The following LRRC37A2 variants were observed in gnomAD, a reference collection of about 807,000 sequenced individuals.
The protein encoded by LRRC37A2 is leucine rich repeat containing 37 member A2, also known as leucine-rich repeat-containing protein 37A2.
In LRRC37A2, 9 loss-of-function variants were observed where a neutral mutation model predicts 68.8. The observed-to-expected ratio is 0.13, with a 90% CI of 0.08 to 0.23. The LOEUF is 0.23. Among genes scored for constraint, LRRC37A2 ranks in the 10% least tolerant of loss-of-function variants. The probability of loss-of-function intolerance (pLI) is 1.00; values close to 1 mark genes in which losing one functional copy is unlikely to be tolerated. For synonymous variants in LRRC37A2, 63 were observed against 367.6 expected, an observed-to-expected ratio of 0.17 and a Z score of 9.48; for missense variants, 168 against 950.4, an observed-to-expected ratio of 0.18 and a Z score of 10.82.
chr17:46,788,754 C>A, the LRRC37A2 span, among the ~76,000 whole-genome samples: 29 of 152,148 alleles, frequency 1.9e-4, no homozygotes, highest in Non-Finnish European at 7.3e-5. Flanking sequence ...GACCTCCCTG[C>A]GAGGACCTCC....
At chr17:46,987,827 C>T in the LRRC37A2 span, among the ~76,000 whole-genome samples, 2 of 152,270 alleles carry the variant, frequency 1.3e-5, no homozygotes, top group African/African-American at 2.4e-5. Context: ...ATGCTATAAA[C>T]CTTATAGCAT....
the LRRC37A2 span, among the ~76,000 whole-genome samples, chr17:46,492,196 C>G: frequency 6.6e-6 from 1 of 151,442 alleles, no homozygotes; most frequent in Non-Finnish European, 1.5e-5. Context: ...AACTCCTGAC[C>G]TCAGGTAATC....
chr17:46,583,910 C>G, the LRRC37A2 span, among the ~76,000 whole-genome samples: 1 of 55,122 alleles, frequency 1.8e-5, no homozygotes, highest in East Asian at 2.7e-4. Flanking sequence ...AAGTTCCTGC[C>G]CACATGGCAT....
At chr17:46,869,409 C>T in the LRRC37A2 span, among the ~76,000 whole-genome samples, 2 of 152,234 alleles carry the variant, frequency 1.3e-5, no homozygotes, top group Admixed American at 6.5e-5. Flanking sequence ...CCCTGGGCAT[C>T]GCGGACATTG....
chr17:46,967,928 AAC>A, the LRRC37A2 span, among the ~76,000 whole-genome samples: 2 of 152,202 alleles, frequency 1.3e-5, no homozygotes, highest in Non-Finnish European at 2.9e-5. Context: ...AGCCACTGTG[AAC>A]ACAGAATCCG....
At chr17:47,017,763 T>C in the LRRC37A2 span, 2 of 1,610,696 alleles carry the variant, frequency 1.2e-6, no homozygotes, top group East Asian at 4.5e-5. Context: ...AGATACACCG[T>C]ATCCCGGTAG....
chr17:46,923,666 A>C, the LRRC37A2 span: 1 of 987,614 alleles, frequency 1.0e-6, no homozygotes, highest in Non-Finnish European at 1.3e-6. Context: ...TTCTTATTCG[A>C]TTTATACTAA....
the LRRC37A2 span, chr17:46,769,671 G>A: frequency 7.6e-6 from 11 of 1,445,412 alleles, no homozygotes; most frequent in South Asian, 1.3e-4. Context: ...AGGGGAAAAG[G>A]AGCCCGCGAC....
the LRRC37A2 span, chr17:46,923,035 C>G: frequency 3.0e-6 from 2 of 661,840 alleles, no homozygotes; most frequent in Non-Finnish European, 5.5e-6. Flanking sequence ...TCCCCTTCTC[C>G]GATCTCGCAA....
the LRRC37A2 span, among the ~76,000 whole-genome samples, chr17:46,808,189 G>A: frequency 6.6e-6 from 1 of 152,158 alleles, no homozygotes; most frequent in Non-Finnish European, 1.5e-5. Context: ...GATCAAGGTC[G>A]CCCCTTACCC....
At chr17:46,905,896 C>T in the LRRC37A2 span, among the ~76,000 whole-genome samples, 26 of 151,962 alleles carry the variant, frequency 1.7e-4, no homozygotes, top group African/African-American at 5.8e-4. Flanking sequence ...TCAAAGGGAC[C>T]TGCCCCAGTG....
At chr17:46,837,533 G>A in the LRRC37A2 span, among the ~76,000 whole-genome samples, 8 of 152,146 alleles carry the variant, frequency 5.3e-5, no homozygotes, top group South Asian at 2.1e-4. Flanking sequence ...TGCCACCCTC[G>A]TTTTACAAAT....
chr17:46,983,073 C>T, the LRRC37A2 span, among the ~76,000 whole-genome samples: 48 of 152,262 alleles, frequency 3.2e-4, 1 homozygote, highest in South Asian at 9.4e-3. Context: ...ACCATCAAGT[C>T]CTGGCCATTT....
the LRRC37A2 span, among the ~76,000 whole-genome samples, chr17:46,835,636 C>G: frequency 3.3e-5 from 5 of 152,264 alleles, no homozygotes; most frequent in African/African-American, 1.2e-4. Context: ...TCAGTGTAGT[C>G]ATTCCTGACC....
At chr17:46,755,356 A>G in the LRRC37A2 span, 1 of 1,613,518 alleles carries the variant, frequency 6.2e-7, no homozygotes, top group Non-Finnish European at 8.5e-7. Flanking sequence ...GGCCCTCTTA[A>G]GAGAAGAAGG....
the LRRC37A2 span, among the ~76,000 whole-genome samples, chr17:46,922,564 T>C: frequency 1.3e-5 from 2 of 152,204 alleles, no homozygotes; most frequent in Non-Finnish European, 2.9e-5. Context: ...ACATATCTTA[T>C]TTCCTTTCCC....
the LRRC37A2 span, among the ~76,000 whole-genome samples, chr17:46,454,549 CTT>C: frequency 3.1e-4 from 2 of 6,492 alleles, no homozygotes; most frequent in Non-Finnish European, 5.1e-4. Flanking sequence ...GAGGTGAAGT[CTT>C]TTTTTTTTTT....
chr17:46,403,717 G>A, the LRRC37A2 span, among the ~76,000 whole-genome samples: 1 of 90,754 alleles, frequency 1.1e-5, no homozygotes, highest in Non-Finnish European at 2.5e-5. Context: ...TTTTTTTTTT[G>A]AGATAGGGTC....
chr17:46,821,906 G>A, the LRRC37A2 span, among the ~76,000 whole-genome samples: 9 of 152,198 alleles, frequency 5.9e-5, no homozygotes, highest in Non-Finnish European at 1.3e-4. Context: ...CCAGGCCCCC[G>A]CCCGCCCTCA....
Sources: allele counts gnomAD v4.1 joint callset (sites outside exome capture counted in the v4.1 genomes callset), GRCh38; gene constraint gnomAD v4.1.1; transcripts MANE v1.5; gene names NCBI Gene and HGNC (gene_info 2026-07-23, HGNC 2026-07-21).